Variants in COL5A1 observed in about 807,000 individuals in gnomAD.
The protein encoded by COL5A1 is collagen alpha-1(V) chain.
A neutral mutation model predicts 263.7 loss-of-function variants in COL5A1; 16 were observed. That is an observed-to-expected ratio of 0.06 (90% CI 0.04 to 0.09). The LOEUF (loss-of-function observed/expected upper bound fraction) is 0.09, where lower values mean the gene tolerates loss of function less well. Ranked by LOEUF, COL5A1 falls within the 10% of genes least tolerant of loss-of-function variation. The pLI is 1.00. For synonymous variants in COL5A1, 1,012 were observed against 1,004.5 expected, an observed-to-expected ratio of 1.01 and a Z score of -0.14; for missense variants, 2,036 against 2,540.5, an observed-to-expected ratio of 0.80 and a Z score of 4.27.
intron 1 of COL5A1, among the ~76,000 whole-genome samples, chr9:134,668,228 C>G (rs1198041893): frequency 6.6e-6 from 1 of 152,148 alleles, no homozygotes; most frequent in Admixed American, 6.5e-5. Context: ...CAATCTAATG[C>G]TATAAGAATA....
At chr9:134,727,541 G>A (rs1404974847) in intron 5 of COL5A1, 144 bp downstream of exon 5, 1 of 877,502 alleles carries the variant, frequency 1.1e-6, no homozygotes, top group East Asian at 2.6e-5. Context: ...TAAACATTGG[G>A]ATATCTGACT....
At chr9:134,736,366 G>T (rs190590812) in intron 9 of COL5A1, among the ~76,000 whole-genome samples, 1 of 152,212 alleles carries the variant, frequency 6.6e-6, no homozygotes, top group East Asian at 1.9e-4. Flanking sequence ...GGAAGGCATC[G>T]CATGGTGAGA....
At chr9:134,643,335 CAGG>C (rs945241596) in intron 1 of COL5A1, among the ~76,000 whole-genome samples, 6 of 152,184 alleles carry the variant, frequency 3.9e-5, no homozygotes, top group African/African-American at 1.4e-4. Flanking sequence ...GCTGCCAGGT[CAGG>C]AGAAGTGGCG....
At chr9:134,683,307 A>G (rs971443275) in intron 1 of COL5A1, among the ~76,000 whole-genome samples, 3 of 152,112 alleles carry the variant, frequency 2.0e-5, no homozygotes, top group Non-Finnish European at 2.9e-5. Flanking sequence ...TGCCCTTGGG[A>G]AAAAAGTGGG....
Position 134,835,147 on chromosome 9 carries a change from CGAG to C in COL5A1, c.5317_5319del (p.Glu1773del). ...CCCTCCGCTTCCTGGGCTCCAACGA[CGAG>C]GAGATGTCCTATGACAACAACCCCT... On this transcript the variant is annotated inframe_deletion, in exon 65 of 66. Transcript: ENST00000371817. The C allele has an allele frequency of 5.6e-6, 9 of 1,613,876 alleles. No individual in the cohort carries two copies. The highest frequency in any genetic ancestry group is 2.2e-5 in the East Asian group (1 of 44,884).
At chr9:134,773,846 T>C (rs7870887) in intron 26 of COL5A1, among the ~76,000 whole-genome samples, 54,058 of 151,964 alleles carry the variant, frequency 0.36, 9,903 homozygotes, top group East Asian at 0.62. Context: ...TTCTGCCCCG[T>C]TCCCTCTCTT....
intron 63 of COL5A1, among the ~76,000 whole-genome samples, chr9:134,829,539 ACGCAGCC>A (rs1839496954): frequency 1.5e-5 from 2 of 129,346 alleles, no homozygotes; most frequent in African/African-American, 6.3e-5. Flanking sequence ...GCTCCTCCTC[ACGCAGCC>A]TCCGGTCTCC....
intron 11 of COL5A1, among the ~76,000 whole-genome samples, chr9:134,743,089 TAAG>T (rs1446577803): frequency 6.6e-6 from 1 of 152,186 alleles, no homozygotes; most frequent in Non-Finnish European, 1.5e-5. Flanking sequence ...TATTTGTGCC[TAAG>T]AAATGTTCCC....
At chr9:134,790,351 A>AACCCATCC (rs1837627630) in intron 32 of COL5A1, among the ~76,000 whole-genome samples, 1 of 56,864 alleles carries the variant, frequency 1.8e-5, no homozygotes, top group Admixed American at 1.6e-4. Context: ...CCCACCCACC[A>AACCCATCC]ACCCATCCAC....
chr9:134,772,402 C>G (rs1298986604), intron 25 of COL5A1, among the ~76,000 whole-genome samples: 4 of 152,218 alleles, frequency 2.6e-5, no homozygotes, highest in African/African-American at 9.7e-5. Flanking sequence ...TGGCCCTGTC[C>G]CCACTCGTGG....
At chr9:134,706,505 G>A (rs2132585306) in intron 4 of COL5A1, among the ~76,000 whole-genome samples, 1 of 152,298 alleles carries the variant, frequency 6.6e-6, no homozygotes, top group Non-Finnish European at 1.5e-5. Flanking sequence ...GGATGGGAGA[G>A]CAGCCAGGGC....
chr9:134,836,476 AG>A (rs1200986601), intron 65 of COL5A1, among the ~76,000 whole-genome samples: 6 of 152,198 alleles, frequency 3.9e-5, no homozygotes, highest in Non-Finnish European at 8.8e-5. Flanking sequence ...TGAAGGTCCA[AG>A]CCATGGCACC....
In COL5A1 at chr9:134,721,202, C is replaced by T. The variant is rs942400032; in HGVS notation, c.655-6064C>T. On this transcript the variant is annotated intron_variant, in intron 4 of 65. Coordinates refer to ENST00000371817, the MANE Select transcript of COL5A1 (RefSeq NM_000093.5). ...GGCCCTCACTGTCTCCATCCAGGAC[C>T]CCCCATGATAACCCTCTAGAGCCCC... Among the ~76,000 whole-genome samples, 3 of 150,288 alleles carry T rather than the reference C, an allele frequency of 2.0e-5. No homozygotes were observed. In the East Asian group the frequency reaches 5.9e-4, roughly 29 times the overall value.
intron 1 of COL5A1, among the ~76,000 whole-genome samples, chr9:134,690,544 G>A (rs1296441561): frequency 6.6e-6 from 1 of 152,222 alleles, no homozygotes; most frequent in Non-Finnish European, 1.5e-5. Context: ...GAGGCTGGGT[G>A]TGTGGCCCCT....
At chr9:134,805,712 C>G (rs35102156) in intron 41 of COL5A1, among the ~76,000 whole-genome samples, 5,752 of 152,254 alleles carry the variant, frequency 0.038, 133 homozygotes, top group Non-Finnish European at 0.057. Flanking sequence ...GAAAACGCAC[C>G]CCATGGAGGA....
At chr9:134,727,164 G>T (rs947125624) in intron 4 of COL5A1, 102 bp from the exon 5 acceptor site, 697 of 1,216,972 alleles carry the variant, frequency 5.7e-4, no homozygotes, top group Admixed American at 4.6e-3. Flanking sequence ...CTTGTGGCTT[G>T]GTCTGGACTT....
rs1352923765 is a variant in COL5A1, at chr9:134,842,149, T to C, written c.5371-8T>C. 8 of 1,613,992 alleles carry C rather than the reference T, an allele frequency of 5.0e-6. No individual in the cohort carries two copies. The highest frequency in any genetic ancestry group is 1.6e-4 in the Middle Eastern group (1 of 6,084). ...TAACCACCGGCCATCTGTCTCCCTCTTCCCCAGACCAAGAAAGGCTACCAG... is the reference window on the plus strand; with the variant it reads ...TAACCACCGGCCATCTGTCTCCCTCCTCCCCAGACCAAGAAAGGCTACCAG... On this transcript the variant is annotated splice_region_variant and splice_polypyrimidine_tract_variant and intron_variant, in intron 65 of 65. Transcript: ENST00000371817. This position sits in a 1 kb window ranked among gnomAD's most constrained non-coding sequence, Gnocchi z 5.8.
Position 134,756,850 on chromosome 9 carries a change from G to C in COL5A1, c.1881+32G>C, listed in dbSNP as rs757908604. On this transcript the variant is annotated intron_variant, in intron 17 of 65. Coordinates refer to ENST00000371817, the MANE Select transcript of COL5A1 (RefSeq NM_000093.5). ...CACCCACCACCCTCCTGGTGCCCTG[G>C]CATCACTGTCATCCCTGGGGTCATG... 3.7e-6 allele frequency: 6 copies of C among 1,605,154 alleles called. No homozygotes were observed. The Admixed American group carries it at 1.0e-4, about 27-fold the overall frequency.
intron 2 of COL5A1, among the ~76,000 whole-genome samples, chr9:134,695,103 C>T (rs1833412203): frequency 6.6e-6 from 1 of 152,184 alleles, no homozygotes; most frequent in African/African-American, 2.4e-5. Flanking sequence ...CATCCTCCTC[C>T]TCGGCTCTGG....
Sources: allele counts gnomAD v4.1 joint callset (sites outside exome capture counted in the v4.1 genomes callset), GRCh38; gene constraint gnomAD v4.1.1; non-coding constraint Gnocchi (gnomAD v3.1); transcripts MANE v1.5; gene names NCBI Gene and HGNC (gene_info 2026-07-23, HGNC 2026-07-21).